The following NPR3 variants were observed in gnomAD, a reference collection of about 807,000 sequenced individuals.
NPR3 encodes natriuretic peptide receptor 3.
A neutral mutation model predicts 54.5 loss-of-function variants in NPR3; 34 were observed. The observed-to-expected ratio is 0.62, with a 90% CI of 0.47 to 0.83. The LOEUF is 0.83. NPR3 is among the 40% of genes least tolerant of loss of function. The probability of loss-of-function intolerance (pLI) is 0.00; values close to 1 mark genes in which losing one functional copy is unlikely to be tolerated. For synonymous variants in NPR3, 289 were observed against 297.1 expected (o/e 0.97, Z 0.28); for missense variants, 674 against 720.8 (o/e 0.94, Z 0.74).
intron 3 of NPR3, among the ~76,000 whole-genome samples, chr5:32,757,813 G>T (rs1361471741): frequency 1.3e-5 from 2 of 152,138 alleles, no homozygotes; most frequent in Non-Finnish European, 2.9e-5. Context: ...AGCATGAAGG[G>T]CTATTGAATT....
chr5:32,738,354 T>C (rs558771599), intron 2 of NPR3, among the ~76,000 whole-genome samples: 2 of 152,154 alleles, frequency 1.3e-5, no homozygotes, highest in African/African-American at 2.4e-5. Context: ...GTTCTCATTG[T>C]TCAACTCCCA....
At chr5:32,774,278 G>C (rs529299634) in intron 3 of NPR3, among the ~76,000 whole-genome samples, 2 of 152,324 alleles carry the variant, frequency 1.3e-5, no homozygotes, top group South Asian at 4.1e-4. Flanking sequence ...GATCTCTACT[G>C]TTCTTTAGTT....
intron 4 of NPR3, among the ~76,000 whole-genome samples, chr5:32,779,513 A>G (rs1036391431): frequency 6.6e-6 from 1 of 151,944 alleles, no homozygotes; most frequent in Admixed American, 6.6e-5. Flanking sequence ...CGTGTCACTG[A>G]CTCCCTTTGT....
chr5:32,781,484 C>G (rs775731623), intron 5 of NPR3, among the ~76,000 whole-genome samples: 2 of 152,226 alleles, frequency 1.3e-5, no homozygotes, highest in Non-Finnish European at 2.9e-5. Context: ...GGCATTGCTC[C>G]GGTGCCCTTC....
chr5:32,720,949 G>A (rs953787439), intron 1 of NPR3, among the ~76,000 whole-genome samples: 1 of 152,160 alleles, frequency 6.6e-6, no homozygotes, highest in Non-Finnish European at 1.5e-5. Context: ...TATATAAATT[G>A]ATGAAACATA....
At chr5:32,707,690 G>A (rs199570842), upstream of NPR3, among the ~76,000 whole-genome samples, 419 of 152,252 alleles carry the variant, frequency 2.8e-3, 2 homozygotes, top group African/African-American at 9.4e-3. Context: ...GCTCAACAAG[G>A]GAGAAAAGGA....
intron 1 of NPR3, among the ~76,000 whole-genome samples, chr5:32,702,777 A>T (rs2111819828): frequency 6.6e-6 from 1 of 152,282 alleles, no homozygotes; most frequent in Non-Finnish European, 1.5e-5. Context: ...GTATATACCC[A>T]GTAATGGGAT....
intron 4 of NPR3, 105 bp from the exon 5 acceptor site, chr5:32,780,617 C>T (rs1742287243): frequency 3.9e-6 from 3 of 760,358 alleles, no homozygotes; most frequent in Non-Finnish European, 7.3e-6. Flanking sequence ...TTCCCTGTGG[C>T]ATGAGTTTGT....
At chr5:32,772,562 T>G (rs1741824485) in intron 3 of NPR3, among the ~76,000 whole-genome samples, 1 of 152,190 alleles carries the variant, frequency 6.6e-6, no homozygotes, top group African/African-American at 2.4e-5. Context: ...ACAAACAACA[T>G]GAACAGTAGG....
At chr5:32,760,158 C>T (rs576445590) in intron 3 of NPR3, among the ~76,000 whole-genome samples, 11 of 151,744 alleles carry the variant, frequency 7.2e-5, no homozygotes, top group East Asian at 1.9e-4. Context: ...CTATTGTGAC[C>T]GAAGCTGCAA....
intron 3 of NPR3, among the ~76,000 whole-genome samples, chr5:32,763,473 C>A (rs1741282302): frequency 7.1e-6 from 1 of 140,432 alleles, no homozygotes; most frequent in Non-Finnish European, 1.5e-5. Context: ...CCTCGCTCAG[C>A]TAATTTTTTT....
At chr5:32,710,738 G>T, upstream of NPR3, 1 of 1,547,502 alleles carries the variant, frequency 6.5e-7, no homozygotes. Context: ...TCAGGTGCTC[G>T]CCCCGCGTCG....
At chr5:32,746,420 T>C (rs1740303472) in intron 3 of NPR3, among the ~76,000 whole-genome samples, 1 of 152,184 alleles carries the variant, frequency 6.6e-6, no homozygotes, top group South Asian at 2.1e-4. Context: ...CAGTATTCCA[T>C]TCACCCAGTT....
chr5:32,769,583 C>CTT (rs1418199602), intron 3 of NPR3, among the ~76,000 whole-genome samples: 1 of 152,234 alleles, frequency 6.6e-6, no homozygotes, highest in Non-Finnish European at 1.5e-5. Flanking sequence ...GCCTGGCACC[C>CTT]TTAGTTTCCC....
chr5:32,738,718 C>T, intron 2 of NPR3, 146 bp from the exon 3 acceptor site: 1 of 642,344 alleles, frequency 1.6e-6, no homozygotes, highest in African/African-American at 1.8e-5. Flanking sequence ...GACGTTGTCC[C>T]ATCATACCTA....
At chr5:32,762,127 CT>C (rs1430848236) in intron 3 of NPR3, among the ~76,000 whole-genome samples, 1 of 152,080 alleles carries the variant, frequency 6.6e-6, no homozygotes, top group East Asian at 1.9e-4. Flanking sequence ...TGAACTCATC[CT>C]TTTTTTACAG....
intron 3 of NPR3, among the ~76,000 whole-genome samples, chr5:32,769,817 G>A (rs1211856856): frequency 6.6e-6 from 1 of 152,188 alleles, no homozygotes; most frequent in Admixed American, 6.5e-5. Context: ...AACAGCTGAG[G>A]CCGGCAGCGT....
intron 2 of NPR3, among the ~76,000 whole-genome samples, chr5:32,733,382 G>A (rs925361844): frequency 2.2e-4 from 33 of 152,156 alleles, no homozygotes; most frequent in African/African-American, 7.7e-4. Context: ...CTAGAAAGAA[G>A]ATAATATATA....
intron 2 of NPR3, among the ~76,000 whole-genome samples, chr5:32,736,499 C>T (rs975524503): frequency 6.6e-6 from 1 of 152,160 alleles, no homozygotes; most frequent in African/African-American, 2.4e-5. Flanking sequence ...CCCTCTTTGC[C>T]TAAGACATCA....
Sources: gnomAD v4.1 joint callset for allele counts (sites outside exome capture counted in the v4.1 genomes callset) on GRCh38, gnomAD v4.1.1 for gene constraint, MANE v1.5 for transcripts, NCBI Gene and HGNC (gene_info 2026-07-23, HGNC 2026-07-21) for gene names.